Variants in SLC35F1 observed in about 807,000 individuals in gnomAD.
SLC35F1 encodes the protein chromosome 6 open reading frame 169.
A neutral mutation model predicts 48.7 loss-of-function variants in SLC35F1; 14 were observed. That is an observed-to-expected ratio of 0.29 (90% CI 0.19 to 0.45). The LOEUF (loss-of-function observed/expected upper bound fraction) is 0.45. Among genes scored for constraint, SLC35F1 ranks in the 20% least tolerant of loss-of-function variants. SLC35F1 has a pLI of 1.00. For synonymous variants in SLC35F1, 190 were observed against 202.2 expected (o/e 0.94, Z 0.51); for missense variants, 404 against 500.0 (o/e 0.81, Z 1.83).
chr6:118,215,770 A>G (rs1377194527), intron 2 of SLC35F1, among the ~76,000 whole-genome samples: 1 of 152,230 alleles, frequency 6.6e-6, no homozygotes, highest in Non-Finnish European at 1.5e-5. Context: ...ACTTCAGATA[A>G]CAATGTCTAA....
chr6:118,075,581 A>C (rs913779240), intron 1 of SLC35F1, among the ~76,000 whole-genome samples: 8 of 152,194 alleles, frequency 5.3e-5, no homozygotes, highest in African/African-American at 1.9e-4. Context: ...TTACAGCCCC[A>C]TTTGTATTTT....
At chr6:118,305,199 A>G (rs1776298930) in intron 7 of SLC35F1, among the ~76,000 whole-genome samples, 1 of 151,154 alleles carries the variant, frequency 6.6e-6, no homozygotes, top group Non-Finnish European at 1.5e-5. Flanking sequence ...GAAATCCAGG[A>G]AAAAAGTTGT....
intron 1 of SLC35F1, among the ~76,000 whole-genome samples, chr6:117,968,017 T>G (rs575964337): frequency 1.4e-4 from 22 of 152,182 alleles, no homozygotes; most frequent in Non-Finnish European, 3.2e-4. Context: ...CTAAAATAAA[T>G]GACAGAGAGA....
chr6:118,021,097 G>A (rs1777387720), intron 1 of SLC35F1, among the ~76,000 whole-genome samples: 1 of 152,174 alleles, frequency 6.6e-6, no homozygotes, highest in Non-Finnish European at 1.5e-5. Flanking sequence ...CACAAGAATA[G>A]AGCCTGGAGA....
At chr6:118,276,782 T>A (rs906119198) in intron 5 of SLC35F1, among the ~76,000 whole-genome samples, 3 of 152,090 alleles carry the variant, frequency 2.0e-5, no homozygotes, top group Admixed American at 2.0e-4. Context: ...TCTATTAGAG[T>A]TGAGTGTTCC....
rs775023281 is a variant in SLC35F1 at position 118,314,119 on chromosome 6, G to A, written c.1094G>A (p.Arg365Gln). The A allele has an allele frequency of 3.2e-5, 51 of 1,614,152 alleles. No homozygotes were observed. The highest frequency in any genetic ancestry group is 4.0e-5 in the Non-Finnish European group (47 of 1,180,036). The change falls in exon 8 of 8, where the codon CGA (arginine) becomes CAA (glutamine). Residue 365 changes from arginine to glutamine, a missense_variant. Arg to Gln is a conservative substitution (Grantham distance 43). Transcript: ENST00000360388. ...STSTYIAQDP[R>Q]VYKQFRNPSG... ...TCCACCTACATAGCCCAGGACCCCC[G>A]AGTGTATAAGCAGTTCCGCAATCCT...
intron 6 of SLC35F1, among the ~76,000 whole-genome samples, chr6:118,280,094 G>A (rs1775963815): frequency 6.6e-6 from 1 of 152,148 alleles, no homozygotes; most frequent in Non-Finnish European, 1.5e-5. Flanking sequence ...GCAATTAAAA[G>A]CAAGAAGATA....
chr6:117,990,187 T>C (rs1161469234), intron 1 of SLC35F1, among the ~76,000 whole-genome samples: 1 of 152,178 alleles, frequency 6.6e-6, no homozygotes, highest in Non-Finnish European at 1.5e-5. Context: ...AGATCCTTCA[T>C]TCCAGTGTAC....
chr6:117,990,609 A>C (rs1246826897), intron 1 of SLC35F1, among the ~76,000 whole-genome samples: 1 of 152,204 alleles, frequency 6.6e-6, no homozygotes, highest in Non-Finnish European at 1.5e-5. Flanking sequence ...TTGCCTGTAC[A>C]CCAGCTCATT....
At chr6:118,173,294 G>C (rs1274157311) in intron 2 of SLC35F1, among the ~76,000 whole-genome samples, 3 of 147,978 alleles carry the variant, frequency 2.0e-5, no homozygotes, top group Non-Finnish European at 4.4e-5. Context: ...CAAAACTCCA[G>C]AAAATTTCAT....
chr6:118,264,487 C>A (rs1775748538), intron 3 of SLC35F1, among the ~76,000 whole-genome samples: 1 of 152,182 alleles, frequency 6.6e-6, no homozygotes, highest in African/African-American at 2.4e-5. Flanking sequence ...ACAGGACCAC[C>A]TGACACTTAC....
At chr6:118,080,643 A>G (rs1342253364) in intron 1 of SLC35F1, among the ~76,000 whole-genome samples, 1 of 152,188 alleles carries the variant, frequency 6.6e-6, no homozygotes, top group African/African-American at 2.4e-5. Context: ...CCAGGTTTGG[A>G]ATAAAATGAA....
intron 2 of SLC35F1, among the ~76,000 whole-genome samples, chr6:118,196,507 G>C (rs1312622853): frequency 3.3e-5 from 5 of 152,098 alleles, no homozygotes; most frequent in African/African-American, 1.2e-4. Flanking sequence ...CTTGAGGCCA[G>C]GAGTTCGAGA....
At position 117,907,773 on chromosome 6, in the gene SLC35F1, C is replaced by T; in HGVS notation, c.47C>T (p.Pro16Leu). The change falls in exon 1 of 8, where the codon CCA becomes CTA. Residue 16 changes from proline to leucine, a missense_variant. Coordinates refer to ENST00000360388, the MANE Select transcript of SLC35F1 (RefSeq NM_001029858.4). Reference protein sequence around the residue: ...QPQQQLQPPSPAPPNHVVTTI... With the variant: ...QPQQQLQPPSLAPPNHVVTTI... ...CAGCAGCAGCTGCAGCCGCCGTCGC[C>T]AGCCCCGCCGAACCATGTGGTGACC... is the stretch of plus-strand genomic sequence containing the variant. 2 of 1,561,310 alleles carry T rather than the reference C, an allele frequency of 1.3e-6. No homozygotes were observed. The highest frequency in any genetic ancestry group is 1.7e-6 in the Non-Finnish European group (2 of 1,163,048).
intron 1 of SLC35F1, among the ~76,000 whole-genome samples, chr6:117,998,358 C>G (rs1389335918): frequency 6.6e-6 from 1 of 151,426 alleles, no homozygotes; most frequent in African/African-American, 2.4e-5. Context: ...CAACATTAGA[C>G]AGATCAACGA....
chr6:118,075,431 T>C (rs7738960), intron 1 of SLC35F1, among the ~76,000 whole-genome samples: 27,328 of 152,224 alleles, frequency 0.18, 2,664 homozygotes, highest in Admixed American at 0.28. Context: ...CATTTTGTGG[T>C]CACATATCCA....
intron 2 of SLC35F1, among the ~76,000 whole-genome samples, chr6:118,216,786 C>T (rs550832706): frequency 5.3e-5 from 8 of 152,082 alleles, no homozygotes; most frequent in Admixed American, 1.3e-4. Flanking sequence ...TCACATTTTA[C>T]GCAGGGTGGA....
intron 1 of SLC35F1, among the ~76,000 whole-genome samples, chr6:117,934,774 G>T (rs533714977): frequency 6.6e-6 from 1 of 152,262 alleles, no homozygotes; most frequent in Non-Finnish European, 1.5e-5. Flanking sequence ...GTAAGATACA[G>T]AGTTCAGTGT....
At position 118,292,918 on chromosome 6, in the gene SLC35F1, C is replaced by G. The variant is rs1031666871; in HGVS notation, c.1002+7580C>G. On this transcript the variant is annotated intron_variant, in intron 7 of 7. Transcript: ENST00000360388. ...GACTTTGAGAAGTGGTTATGTATTT[C>G]TATTCTTTATTACCTGACAACATTA... is the stretch of plus-strand genomic sequence containing the variant. Among the ~76,000 whole-genome samples the G allele has an allele frequency of 2.0e-5, 3 of 152,248 alleles. No individual in the cohort carries two copies. The East Asian group carries it at 5.8e-4, about 29-fold the overall frequency.
Sources: allele counts gnomAD v4.1 joint callset (sites outside exome capture counted in the v4.1 genomes callset), GRCh38; gene constraint gnomAD v4.1.1; transcripts MANE v1.5; gene names NCBI Gene and HGNC (gene_info 2026-07-23, HGNC 2026-07-21).